The following MTMR2 variants were observed in gnomAD, a reference collection of about 807,000 sequenced individuals.
MTMR2 encodes the protein phosphatidylinositol-3,5-bisphosphate 3-phosphatase MTMR2.
In MTMR2, 55 loss-of-function variants were observed where a neutral mutation model predicts 86.9. That is an observed-to-expected ratio of 0.63 (90% confidence interval 0.51 to 0.79). The LOEUF is 0.79. MTMR2 is among the 30% of genes least tolerant of loss of function. The pLI, the probability that MTMR2 is intolerant of heterozygous loss-of-function variation, is 0.00. For synonymous variants in MTMR2, 241 were observed against 266.8 expected (o/e 0.90, Z 0.94); for missense variants, 659 against 772.3 (o/e 0.85, Z 1.74).
intron 9 of MTMR2, 133 bp downstream of exon 9, chr11:95,849,541 C>G (rs1863933614): frequency 1.2e-6 from 1 of 807,778 alleles, no homozygotes; most frequent in Non-Finnish European, 2.1e-6. Flanking sequence ...ATCACACCAT[C>G]AAGTTGAAGA....
At chr11:95,838,703 C>T (rs1436476050) in intron 12 of MTMR2, among the ~76,000 whole-genome samples, 1 of 151,898 alleles carries the variant, frequency 6.6e-6, no homozygotes, top group Non-Finnish European at 1.5e-5. Context: ...ATTGAAATGG[C>T]AATTACTTTT....
At chr11:95,838,917 C>T (rs993767001) in intron 12 of MTMR2, among the ~76,000 whole-genome samples, 3 of 151,950 alleles carry the variant, frequency 2.0e-5, no homozygotes, top group East Asian at 3.9e-4. Flanking sequence ...TAGAAGGTTT[C>T]GTTTAATCCA....
At chr11:95,894,632 T>C (rs1865820338) in intron 1 of MTMR2, among the ~76,000 whole-genome samples, 1 of 152,188 alleles carries the variant, frequency 6.6e-6, no homozygotes, top group Non-Finnish European at 1.5e-5. Flanking sequence ...TGGAAGCATG[T>C]GTCTTGGCAT....
chr11:95,846,632 T>G (rs1331744948), intron 10 of MTMR2, among the ~76,000 whole-genome samples: 1 of 152,176 alleles, frequency 6.6e-6, no homozygotes, highest in East Asian at 1.9e-4. Context: ...ATATGTCTTA[T>G]AACTCTAGGG....
chr11:95,899,636 T>TAA (rs10654504), intron 1 of MTMR2, among the ~76,000 whole-genome samples: 29,144 of 147,352 alleles, frequency 0.2, 4,709 homozygotes, highest in African/African-American at 0.45. Context: ...TAAGAATGGT[T>TAA]AAAAAAAAAA....
chr11:95,869,540 A>G (rs1864771741), intron 2 of MTMR2, among the ~76,000 whole-genome samples: 2 of 152,122 alleles, frequency 1.3e-5, no homozygotes, highest in Non-Finnish European at 1.5e-5. Context: ...TCTCTCCCTG[A>G]CTCCTAACTA....
At chr11:95,839,492 A>T (rs959187776) in intron 12 of MTMR2, among the ~76,000 whole-genome samples, 2 of 152,164 alleles carry the variant, frequency 1.3e-5, no homozygotes, top group Non-Finnish European at 2.9e-5. Context: ...TTATGAGAAG[A>T]CAGTGTAATC....
intron 7 of MTMR2, among the ~76,000 whole-genome samples, chr11:95,851,456 G>A (rs376656409): frequency 5.3e-5 from 8 of 152,018 alleles, no homozygotes; most frequent in South Asian, 4.1e-4. Context: ...TCTGCCTCCC[G>A]GGTTCAAGCA....
At chr11:95,920,235 G>A (rs1171024889) in intron 1 of MTMR2, among the ~76,000 whole-genome samples, 1 of 152,186 alleles carries the variant, frequency 6.6e-6, no homozygotes, top group East Asian at 1.9e-4. Flanking sequence ...CCAACAGCAA[G>A]ATATACAAGA....
intron 1 of MTMR2, chr11:95,908,011 A>G (rs2135599004): frequency 4.6e-6 from 1 of 216,626 alleles, no homozygotes; most frequent in East Asian, 1.3e-4. Flanking sequence ...CAATCAGGCA[A>G]GAGAAAGAAA....
At chr11:95,855,493 C>T (rs925196534) in intron 7 of MTMR2, among the ~76,000 whole-genome samples, 1 of 152,092 alleles carries the variant, frequency 6.6e-6, no homozygotes, top group Admixed American at 6.5e-5. Context: ...CTCAAGCGAC[C>T]TGCCTGCCTC....
chr11:95,882,720 G>A (rs926487190), intron 2 of MTMR2, among the ~76,000 whole-genome samples: 5 of 147,710 alleles, frequency 3.4e-5, no homozygotes, highest in African/African-American at 1.0e-4. Context: ...TAATTATTTT[G>A]TGTTGTTTTT....
At chr11:95,852,273 G>A (rs1186151133) in intron 7 of MTMR2, among the ~76,000 whole-genome samples, 1 of 152,148 alleles carries the variant, frequency 6.6e-6, no homozygotes, top group Non-Finnish European at 1.5e-5. Context: ...TATACATTAG[G>A]AAGTAGTAGA....
chr11:95,881,938 T>C (rs1008774722), intron 2 of MTMR2, among the ~76,000 whole-genome samples: 11 of 152,210 alleles, frequency 7.2e-5, no homozygotes, highest in African/African-American at 2.4e-4. Flanking sequence ...ATGAGGCTTA[T>C]TGTAGAGTTC....
Position 95,865,444 on chromosome 11 carries a change from G to GT in MTMR2, c.262+156dup, listed in dbSNP as rs1251731944. ...TAGCAGCGGGTCTAGGCTTACGTTT[G>GT]TAGAACACACTAAGATGCTGAGAAG... On this transcript the variant is annotated intron_variant, in intron 3 of 14. Coordinates refer to ENST00000346299, the MANE Select transcript of MTMR2 (RefSeq NM_016156.6). 4.9e-5 allele frequency: 37 copies of GT among 755,064 alleles called. No homozygotes were observed. In the East Asian group the frequency reaches 9.3e-4, roughly 19 times the overall value. The allele number at this position is 755,064 out of a possible 1,614,324, so 46.8% of individuals were successfully genotyped here. A position where few individuals can be genotyped will look rare whatever the true frequency, so the allele number is the denominator to read the frequency against.
intron 7 of MTMR2, among the ~76,000 whole-genome samples, chr11:95,854,494 T>C (rs1478775877): frequency 6.6e-6 from 1 of 152,180 alleles, no homozygotes; most frequent in East Asian, 1.9e-4. Flanking sequence ...AGATAAGGTC[T>C]CTGCACTCTT....
At chr11:95,908,462 T>A (rs1352066500) in intron 1 of MTMR2, among the ~76,000 whole-genome samples, 1 of 152,038 alleles carries the variant, frequency 6.6e-6, no homozygotes, top group Non-Finnish European at 1.5e-5. Flanking sequence ...TTACCAATGA[T>A]ATTCTTCACA....
At chr11:95,900,481 C>T (rs577727747) in intron 1 of MTMR2, among the ~76,000 whole-genome samples, 2 of 152,308 alleles carry the variant, frequency 1.3e-5, no homozygotes, top group East Asian at 3.9e-4. Context: ...ACAATGTCAA[C>T]ACAGTCTCTA....
At chr11:95,878,630 T>G (rs991206765) in intron 2 of MTMR2, among the ~76,000 whole-genome samples, 1 of 152,126 alleles carries the variant, frequency 6.6e-6, no homozygotes, top group Non-Finnish European at 1.5e-5. Flanking sequence ...TAATGCTTCC[T>G]TGACTCTCAT....
Sources: allele counts gnomAD v4.1 joint callset (sites outside exome capture counted in the v4.1 genomes callset), GRCh38; gene constraint gnomAD v4.1.1; transcripts MANE v1.5; gene names NCBI Gene and HGNC (gene_info 2026-07-23, HGNC 2026-07-21).